The following HOMER2 variants were observed in gnomAD, a reference collection of about 807,000 sequenced individuals.
The protein encoded by HOMER2 is homer scaffold protein 2.
A neutral mutation model predicts 47.0 loss-of-function variants in HOMER2; 27 were observed. That is an observed-to-expected ratio of 0.57 (90% CI 0.42 to 0.79). The LOEUF (loss-of-function observed/expected upper bound fraction) is 0.79. HOMER2 is among the 30% of genes least tolerant of loss of function. The probability of loss-of-function intolerance (pLI) is 0.00; values close to 1 mark genes in which losing one functional copy is unlikely to be tolerated. For synonymous variants in HOMER2, 161 were observed against 163.8 expected (o/e 0.98, Z 0.13); for missense variants, 443 against 435.0 (o/e 1.02, Z -0.16).
At chr15:82,902,358 C>T (rs1314393259) in intron 1 of HOMER2, among the ~76,000 whole-genome samples, 9 of 151,962 alleles carry the variant, frequency 5.9e-5, no homozygotes, top group South Asian at 2.1e-4. Flanking sequence ...CCACCACGCC[C>T]GGCTAATTTT....
At chr15:82,947,604 A>G (rs1324049165) in intron 1 of HOMER2, among the ~76,000 whole-genome samples, 4 of 152,252 alleles carry the variant, frequency 2.6e-5, no homozygotes, top group Non-Finnish European at 4.4e-5. Context: ...CCGAAAATTA[A>G]CCCACATCAC....
chr15:82,842,222 T>C (rs2151583804), exon 2 of HOMER2: 1 of 152,318 alleles, frequency 6.6e-6, no homozygotes, highest in East Asian at 1.9e-4. Context: ...GTTAGTCCTC[T>C]TGTGTAAAAT....
intron 5 of HOMER2, among the ~76,000 whole-genome samples, chr15:82,858,750 C>T (rs1473787921): frequency 6.6e-6 from 1 of 152,054 alleles, no homozygotes; most frequent in African/African-American, 2.4e-5. Context: ...CACTCATGCA[C>T]ATTTGCCCTC....
At chr15:82,877,872 T>G (rs2052399281) in intron 2 of HOMER2, among the ~76,000 whole-genome samples, 1 of 151,890 alleles carries the variant, frequency 6.6e-6, no homozygotes, top group Non-Finnish European at 1.5e-5. Flanking sequence ...AATGGAGATC[T>G]AAACTACTGG....
intron 4 of HOMER2, among the ~76,000 whole-genome samples, chr15:82,862,331 A>G (rs1339214822): frequency 1.3e-5 from 2 of 152,352 alleles, no homozygotes; most frequent in South Asian, 4.1e-4. Context: ...TATTAGGTAT[A>G]CATGTATTTT....
At chr15:82,841,823 G>A (rs2051178997) in exon 2 of HOMER2, 1 of 152,182 alleles carries the variant, frequency 6.6e-6, no homozygotes, top group Admixed American at 6.5e-5. Flanking sequence ...TTATGCAGAG[G>A]TAAGAATGAG....
chr15:82,873,092 G>A (rs1004774168), intron 3 of HOMER2, among the ~76,000 whole-genome samples: 1 of 152,154 alleles, frequency 6.6e-6, no homozygotes, highest in Non-Finnish European at 1.5e-5. Context: ...CATGGTGCCA[G>A]GGAAAAAGGC....
downstream of HOMER2, chr15:82,846,711 A>G (rs1014163488): frequency 1.3e-5 from 2 of 152,224 alleles, no homozygotes; most frequent in African/African-American, 4.8e-5. Flanking sequence ...GATGGCAGGC[A>G]GGAGAGATGA....
At chr15:82,983,584 TTTC>T (rs2030470126) in intron 1 of HOMER2, among the ~76,000 whole-genome samples, 1 of 152,038 alleles carries the variant, frequency 6.6e-6, no homozygotes, top group South Asian at 2.1e-4. Flanking sequence ...TCCTGATTTC[TTTC>T]TTTTCTTTCT....
intron 4 of HOMER2, among the ~76,000 whole-genome samples, chr15:82,861,250 A>T (rs1356105702): frequency 6.6e-6 from 1 of 152,228 alleles, no homozygotes; most frequent in Admixed American, 6.5e-5. Context: ...AAATGCACAA[A>T]GACATGCAAG....
intron 1 of HOMER2, among the ~76,000 whole-genome samples, chr15:82,976,080 C>G (rs1596389850): frequency 6.6e-6 from 1 of 152,126 alleles, no homozygotes; most frequent in African/African-American, 2.4e-5. Flanking sequence ...AATCCATATT[C>G]CTCACAGGAG....
intron 1 of HOMER2, among the ~76,000 whole-genome samples, chr15:82,909,508 G>A (rs59512422): frequency 0.011 from 1,612 of 152,114 alleles, 7 homozygotes; most frequent in Non-Finnish European, 0.016. Context: ...AGGTGACTAA[G>A]GATGACTAAG....
chr15:82,935,543 C>T (rs2054123120), intron 1 of HOMER2, among the ~76,000 whole-genome samples: 1 of 152,058 alleles, frequency 6.6e-6, no homozygotes, highest in African/African-American at 2.4e-5. Flanking sequence ...ATACAATTAC[C>T]TACCTCCTCC....
Position 82,849,652 on chromosome 15 carries a change from A to T in HOMER2, c.*63T>A. The T allele has an allele frequency of 6.9e-7, 1 of 1,444,424 alleles. No homozygotes were observed. Among genetic ancestry groups the T allele is most frequent in the Non-Finnish European group, 9.5e-7 (1 of 1,055,302 alleles). The allele number at this position is 1,444,424 out of a possible 1,614,324, so 89.5% of individuals were successfully genotyped here. A position where few individuals can be genotyped will look rare whatever the true frequency, so the allele number is the denominator to read the frequency against. On this transcript the variant is annotated 3_prime_UTR_variant, in exon 9 of 9. Transcript: ENST00000450735. ...AGCAATGCACACAGAAGAACGTCCT[A>T]GAGCTATCTGGTCTCGCACACACGC...
At chr15:82,905,227 A>G (rs950819951) in intron 1 of HOMER2, among the ~76,000 whole-genome samples, 1 of 151,734 alleles carries the variant, frequency 6.6e-6, no homozygotes, top group Non-Finnish European at 1.5e-5. Flanking sequence ...CGGAAGGCTC[A>G]GGGATTGGAA....
intron 5 of HOMER2, among the ~76,000 whole-genome samples, chr15:82,856,144 G>A (rs898745107): frequency 1.3e-5 from 2 of 152,176 alleles, no homozygotes; most frequent in African/African-American, 4.8e-5. Flanking sequence ...ATAATAAAAT[G>A]TTATTATCTG....
chr15:82,950,623 T>C (rs887508728), intron 1 of HOMER2, among the ~76,000 whole-genome samples: 11 of 152,158 alleles, frequency 7.2e-5, no homozygotes, highest in African/African-American at 2.2e-4. Flanking sequence ...ACATAAATAA[T>C]AGAAGACATG....
At chr15:82,932,352 A>G (rs2054033305) in intron 1 of HOMER2, among the ~76,000 whole-genome samples, 1 of 151,972 alleles carries the variant, frequency 6.6e-6, no homozygotes. Flanking sequence ...AAAATCAGCC[A>G]GGCATGGTGG....
intron 1 of HOMER2, among the ~76,000 whole-genome samples, chr15:82,966,781 A>C (rs1406128656): frequency 6.6e-6 from 1 of 152,206 alleles, no homozygotes; most frequent in Non-Finnish European, 1.5e-5. Context: ...GTTTCTCAGA[A>C]ACTCTTTAGA....
Sources: gnomAD v4.1 joint callset for allele counts (sites outside exome capture counted in the v4.1 genomes callset) on GRCh38, gnomAD v4.1.1 for gene constraint, MANE v1.5 for transcripts, NCBI Gene and HGNC (gene_info 2026-07-23, HGNC 2026-07-21) for gene names.